SGCZ: variants seen among roughly 807,000 people sequenced by gnomAD.
SGCZ encodes zeta-sarcoglycan.
In SGCZ, 40 loss-of-function variants were observed where a neutral mutation model predicts 41.3. That is an observed-to-expected ratio of 0.97 (90% CI 0.75 to 1.26). The LOEUF is 1.26. SGCZ is among the 50% of genes most tolerant of loss of function. The probability of loss-of-function intolerance (pLI) is 0.00; values close to 1 mark genes in which losing one functional copy is unlikely to be tolerated. For synonymous variants in SGCZ, 206 were observed against 137.5 expected (o/e 1.50, Z -3.49); for missense variants, 552 against 369.8 (o/e 1.49, Z -4.04).
chr8:14,296,019 T>G (rs1800999508), intron 3 of SGCZ, among the ~76,000 whole-genome samples: 1 of 152,108 alleles, frequency 6.6e-6, no homozygotes, highest in African/African-American at 2.4e-5. Flanking sequence ...TAGTGTAAGT[T>G]CAGACCAGAA....
chr8:15,184,724 A>G (rs1585650689), intron 1 of SGCZ, among the ~76,000 whole-genome samples: 1 of 152,262 alleles, frequency 6.6e-6, no homozygotes, highest in East Asian at 1.9e-4. Flanking sequence ...CGAGTCTAAG[A>G]TTTTAAATAT....
intron 1 of SGCZ, among the ~76,000 whole-genome samples, chr8:14,817,991 T>A (rs770250788): frequency 1.3e-5 from 2 of 152,124 alleles, no homozygotes; most frequent in Non-Finnish European, 2.9e-5. Flanking sequence ...TGCCTGCAGG[T>A]ACATTTACTT....
At chr8:14,278,519 C>A (rs1211921759) in intron 3 of SGCZ, among the ~76,000 whole-genome samples, 1 of 151,938 alleles carries the variant, frequency 6.6e-6, no homozygotes, top group Non-Finnish European at 1.5e-5. Flanking sequence ...GATTATCCTG[C>A]CCAACTACTC....
intron 5 of SGCZ, among the ~76,000 whole-genome samples, chr8:14,120,814 C>A (rs998538780): frequency 6.6e-6 from 1 of 151,954 alleles, no homozygotes; most frequent in African/African-American, 2.4e-5. Context: ...TATAACATAA[C>A]CATATGTAAG....
chr8:14,914,225 T>A (rs1008256158), intron 1 of SGCZ, among the ~76,000 whole-genome samples: 7 of 142,530 alleles, frequency 4.9e-5, no homozygotes, highest in Non-Finnish European at 1.0e-4. Context: ...TATAAATATG[T>A]ATGCGTATAT....
intron 1 of SGCZ, among the ~76,000 whole-genome samples, chr8:14,678,352 C>A (rs1808339386): frequency 6.6e-6 from 1 of 151,908 alleles, no homozygotes; most frequent in South Asian, 2.1e-4. Context: ...GAAATCAAAC[C>A]AATCTACTAA....
At chr8:14,530,590 A>C (rs1024222184) in intron 2 of SGCZ, among the ~76,000 whole-genome samples, 3 of 152,132 alleles carry the variant, frequency 2.0e-5, no homozygotes, top group Non-Finnish European at 2.9e-5. Context: ...CACAGCAGTA[A>C]CACTGTATGG....
At chr8:15,154,667 C>A (rs1201845034) in intron 1 of SGCZ, among the ~76,000 whole-genome samples, 3 of 152,150 alleles carry the variant, frequency 2.0e-5, no homozygotes, top group African/African-American at 7.2e-5. Flanking sequence ...AAGGAAGCAA[C>A]CATCCTTCAG....
chr8:15,208,547 A>T (rs1039332050), intron 1 of SGCZ, among the ~76,000 whole-genome samples: 1 of 152,176 alleles, frequency 6.6e-6, no homozygotes, highest in Non-Finnish European at 1.5e-5. Context: ...AACTTACAAA[A>T]GCCAATTTAT....
chr8:14,141,773 C>G (rs996491722), intron 5 of SGCZ, among the ~76,000 whole-genome samples: 6 of 152,166 alleles, frequency 3.9e-5, no homozygotes, highest in Non-Finnish European at 7.3e-5. Flanking sequence ...CCTCAAGGAT[C>G]TAGAACTAGA....
At position 14,479,761 on chromosome 8, in the gene SGCZ, T is replaced by TTA. The variant is rs1563356644; in HGVS notation, c.234+74970_234+74971insTA. 4.3e-5 allele frequency among the ~76,000 whole-genome samples: 4 copies of TTA among 92,114 alleles called. 1 individual carries two copies. The highest frequency in any genetic ancestry group is 1.2e-4 in the African/African-American group (4 of 32,562). 60.4% of individuals were successfully genotyped at this position (92,114 alleles called of 152,430 possible). ...TTTTTTTTTTTTTTTTTTTTTTTTT[T>TTA]ATTTGAGATGGAGTTTAGCTCTTGC... On this transcript the variant is annotated intron_variant, in intron 2 of 7. Transcript: ENST00000382080.
At chr8:14,625,541 T>C (rs575712539) in intron 1 of SGCZ, among the ~76,000 whole-genome samples, 1 of 152,280 alleles carries the variant, frequency 6.6e-6, no homozygotes, top group Non-Finnish European at 1.5e-5. Flanking sequence ...TAGAGGACAT[T>C]TATCAATATC....
At chr8:15,051,376 G>A (rs901834943) in intron 1 of SGCZ, among the ~76,000 whole-genome samples, 2 of 152,098 alleles carry the variant, frequency 1.3e-5, no homozygotes, top group African/African-American at 4.8e-5. Context: ...TTGTTGTATA[G>A]AATGAATACC....
At chr8:14,794,570 G>A (rs1563273979) in intron 1 of SGCZ, among the ~76,000 whole-genome samples, 1 of 152,128 alleles carries the variant, frequency 6.6e-6, no homozygotes, top group Admixed American at 6.5e-5. Context: ...ACCAGCTCAG[G>A]AAGTGCAACA....
intron 1 of SGCZ, among the ~76,000 whole-genome samples, chr8:14,930,108 G>A (rs1325582456): frequency 1.3e-5 from 2 of 151,882 alleles, no homozygotes; most frequent in African/African-American, 4.9e-5. Context: ...ATATGATATT[G>A]TGAATTAAAT....
rs144923156 is a variant in SGCZ at position 15,165,092 on chromosome 8, C to T, written c.39+72493G>A. 2.6e-3 allele frequency among the ~76,000 whole-genome samples: 402 copies of T among 152,188 alleles called. 3 individuals are homozygous for T. Among genetic ancestry groups the T allele is most frequent in the African/African-American group, 9.1e-3 (377 of 41,524 alleles). ...AGATCACGAGGTCAGGAGTTCAAGACCAGCCTGACCAACATGGTGAAACCC... is the reference window on the plus strand; with the variant it reads ...AGATCACGAGGTCAGGAGTTCAAGATCAGCCTGACCAACATGGTGAAACCC... On this transcript the variant is annotated intron_variant, in intron 1 of 7. Transcript: ENST00000382080.
At position 14,249,448 on chromosome 8, in the gene SGCZ, G is replaced by T. The variant is rs188675099; in HGVS notation, c.337-11769C>A. On this transcript the variant is annotated intron_variant, in intron 3 of 7. Coordinates refer to ENST00000382080, the MANE Select transcript of SGCZ (RefSeq NM_139167.4). ...TTATTTATTGGTCTGTTTCTCTAGA[G>T]AACCCAGACTAATACAGCAACCATA... 1.1e-3 allele frequency among the ~76,000 whole-genome samples: 167 copies of T among 152,052 alleles called. 1 individual carries two copies. Among genetic ancestry groups the T allele is most frequent in the Non-Finnish European group, 2.3e-3 (155 of 68,014 alleles).
At chr8:14,951,656 G>A (rs937754578) in intron 1 of SGCZ, among the ~76,000 whole-genome samples, 3 of 152,086 alleles carry the variant, frequency 2.0e-5, no homozygotes, top group East Asian at 3.9e-4. Context: ...ATGATCATTT[G>A]TAATTTACAA....
At chr8:14,254,071 C>G (rs527735498) in intron 3 of SGCZ, among the ~76,000 whole-genome samples, 1 of 152,144 alleles carries the variant, frequency 6.6e-6, no homozygotes, top group African/African-American at 2.4e-5. Flanking sequence ...TAAACACAGT[C>G]TTAAATTGGG....
Sources: gnomAD v4.1 joint callset for allele counts (sites outside exome capture counted in the v4.1 genomes callset) on GRCh38, gnomAD v4.1.1 for gene constraint, MANE v1.5 for transcripts, NCBI Gene and HGNC (gene_info 2026-07-23, HGNC 2026-07-21) for gene names.